Variants in TRPM3 observed in about 807,000 individuals in gnomAD.
TRPM3 encodes the protein long transient receptor potential channel 3.
TRPM3 carries 77 observed loss-of-function variants against 181.2 expected under a neutral mutation model. The observed-to-expected ratio is 0.42, with a 90% CI of 0.35 to 0.51. The LOEUF is 0.51. Ranked by LOEUF, TRPM3 falls within the 20% of genes least tolerant of loss-of-function variation. The pLI is 0.01. For missense variants in TRPM3, 1,759 were observed against 2,196.7 expected, an observed-to-expected ratio of 0.80 and a Z score of 3.98; for synonymous variants, 745 against 796.4, an observed-to-expected ratio of 0.94 and a Z score of 1.09.
intron 1 of TRPM3, among the ~76,000 whole-genome samples, chr9:71,047,023 A>AT (rs1375403232): frequency 6.6e-6 from 1 of 152,246 alleles, no homozygotes; most frequent in African/African-American, 2.4e-5. Flanking sequence ...GACCATTGAA[A>AT]TATCTTGAGG....
intron 17 of TRPM3, 64 bp downstream of exon 17, chr9:70,618,803 C>T (rs1410814315): frequency 1.4e-6 from 2 of 1,437,830 alleles, no homozygotes; most frequent in African/African-American, 1.4e-5. Context: ...CAGATTTTGG[C>T]TGGGAAAACT....
chr9:71,092,777 T>A (rs955039518), intron 1 of TRPM3, among the ~76,000 whole-genome samples: 3 of 152,138 alleles, frequency 2.0e-5, no homozygotes, highest in African/African-American at 7.2e-5. Context: ...TTTATGAATG[T>A]CACAACATAG....
chr9:71,386,355 A>T (rs2092923280), intron 1 of TRPM3, among the ~76,000 whole-genome samples: 1 of 151,964 alleles, frequency 6.6e-6, no homozygotes, highest in African/African-American at 2.4e-5. Context: ...AGGCTGAGAC[A>T]AGGGAATCAC....
chr9:70,769,680 G>A (rs1168319574), intron 7 of TRPM3, among the ~76,000 whole-genome samples: 1 of 152,078 alleles, frequency 6.6e-6, no homozygotes, highest in Non-Finnish European at 1.5e-5. Flanking sequence ...GAAAGGCTCT[G>A]ATTACTGCTC....
Position 71,424,514 on chromosome 9 carries a change from TATC to T in TRPM3, c.183+22136_183+22138del, listed in dbSNP as rs759897696. ...GGTTAAATGATGTAAACATAAGCAATATCATAAGACAGATCTAGTCAGTTGCAA... is the reference window on the plus strand; with the variant it reads ...GGTTAAATGATGTAAACATAAGCAATATAAGACAGATCTAGTCAGTTGCAA... On this transcript the variant is annotated intron_variant, in intron 1 of 24. Coordinates refer to the TRPM3 transcript ENST00000357533. Among the ~76,000 whole-genome samples, 34 of 152,142 alleles carry T rather than the reference TATC, an allele frequency of 2.2e-4. 1 individual carries two copies. The highest frequency in any genetic ancestry group is 8.5e-4 in the Admixed American group (13 of 15,264).
intron 9 of TRPM3, among the ~76,000 whole-genome samples, chr9:70,665,408 A>G (rs898016010): frequency 6.6e-6 from 1 of 152,110 alleles, no homozygotes; most frequent in Non-Finnish European, 1.5e-5. Flanking sequence ...TATTGCCACT[A>G]TATTCTCATG....
intron 1 of TRPM3, among the ~76,000 whole-genome samples, chr9:71,005,268 T>C (rs1348167878): frequency 6.6e-6 from 1 of 151,922 alleles, no homozygotes; most frequent in Non-Finnish European, 1.5e-5. Context: ...TAGCAGGGCA[T>C]GGTAGGGCAT....
chr9:71,244,448 C>T (rs72733867), intron 1 of TRPM3, among the ~76,000 whole-genome samples: 1,605 of 152,216 alleles, frequency 0.011, 17 homozygotes, highest in Middle Eastern at 0.02. Context: ...CAACCTTCTT[C>T]ATAACATGGG....
intron 3 of TRPM3, among the ~76,000 whole-genome samples, chr9:70,854,864 G>T (rs748027193): frequency 3.3e-5 from 5 of 152,104 alleles, no homozygotes; most frequent in Non-Finnish European, 7.4e-5. Context: ...TGTACTTTTT[G>T]ATCTACTCTT....
chr9:70,972,035 C>T (rs1041966927), intron 1 of TRPM3, among the ~76,000 whole-genome samples: 2 of 152,148 alleles, frequency 1.3e-5, no homozygotes, highest in African/African-American at 4.8e-5. Flanking sequence ...TCTAGCAGTT[C>T]CTCAAAATGT....
intron 1 of TRPM3, among the ~76,000 whole-genome samples, chr9:70,965,695 G>C (rs779672058): frequency 2.6e-5 from 4 of 151,932 alleles, no homozygotes; most frequent in Admixed American, 6.6e-5. Context: ...TTTTGTTGAG[G>C]GTTTTTGCAT....
intron 1 of TRPM3, among the ~76,000 whole-genome samples, chr9:71,444,671 G>A (rs2094180182): frequency 6.6e-6 from 1 of 152,152 alleles, no homozygotes; most frequent in African/African-American, 2.4e-5. Flanking sequence ...AAGCATGTCT[G>A]CTATAAGCAT....
At chr9:71,047,656 T>C (rs145638022) in intron 1 of TRPM3, among the ~76,000 whole-genome samples, 394 of 152,270 alleles carry the variant, frequency 2.6e-3, no homozygotes, top group Non-Finnish European at 3.9e-3. Flanking sequence ...TTGGATCTAC[T>C]CCTTTACCAT....
intron 1 of TRPM3, among the ~76,000 whole-genome samples, chr9:71,266,977 G>A (rs1186966169): frequency 6.8e-6 from 1 of 146,438 alleles, no homozygotes; most frequent in Admixed American, 6.7e-5. Context: ...AAAAAAAAAT[G>A]TCATACCAAA....
chr9:70,558,173 G>A (rs2048201184), intron 22 of TRPM3, among the ~76,000 whole-genome samples: 1 of 152,154 alleles, frequency 6.6e-6, no homozygotes, highest in African/African-American at 2.4e-5. Flanking sequence ...AGGCTACCAA[G>A]TAGAGAAGGC....
Position 70,640,613 on chromosome 9 carries a change from T to C in TRPM3, c.1393A>G (p.Asn465Asp), listed in dbSNP as rs1157823136. 1.9e-6 allele frequency: 3 copies of C among 1,613,794 alleles called. No individual in the cohort carries two copies. Among genetic ancestry groups the C allele is most frequent in the Non-Finnish European group, 2.5e-6 (3 of 1,179,840 alleles). ...PDQLSLALAW[N>D]RVDIARSQIF... is the part of the protein sequence containing the mutation. Reference sequence around the variant, plus strand: ...TGGCTGCGAGCGATGTCGACTCTGTTCCAGGCTAAAGCTAAGCTCAGTTGG... The same window carrying C: ...TGGCTGCGAGCGATGTCGACTCTGTCCCAGGCTAAAGCTAAGCTCAGTTGG... The change falls in exon 10 of 26, where the codon AAC (asparagine) becomes GAC (aspartate). Residue 465 changes from asparagine (N) to aspartate (D), a missense_variant. This residue lies in a region of TRPM3 where 737 missense variants were observed against 957.4 expected (regional missense o/e 0.77). Transcript: ENST00000677713.
chr9:70,630,665 T>A (rs2065655297), intron 12 of TRPM3, among the ~76,000 whole-genome samples: 1 of 152,198 alleles, frequency 6.6e-6, no homozygotes, highest in Non-Finnish European at 1.5e-5. Flanking sequence ...CCCCTCCCCC[T>A]TCGGTAATGA....
chr9:71,074,629 A>T (rs181053988), intron 1 of TRPM3, among the ~76,000 whole-genome samples: 17 of 152,314 alleles, frequency 1.1e-4, no homozygotes, highest in African/African-American at 3.8e-4. Flanking sequence ...ATGATGATAG[A>T]AGTTTCTTCC....
At chr9:71,076,101 A>C (rs199643039) in intron 1 of TRPM3, among the ~76,000 whole-genome samples, 1 of 150,518 alleles carries the variant, frequency 6.6e-6, no homozygotes, top group African/African-American at 2.4e-5. Context: ...TGTGCGGGGG[A>C]GGGGGAACAA....
Sources: allele counts gnomAD v4.1 joint callset (sites outside exome capture counted in the v4.1 genomes callset), GRCh38; gene constraint gnomAD v4.1.1; regional missense constraint gnomAD v4.1.1; transcripts MANE v1.5; gene names NCBI Gene and HGNC (gene_info 2026-07-23, HGNC 2026-07-21).